ARHGEF33: variants seen among roughly 807,000 people sequenced by gnomAD.
The protein encoded by ARHGEF33 is DH and coiled-coil domain-containing protein ENSP00000381780.
Under a neutral mutation model 101.9 loss-of-function variants are expected in ARHGEF33, and 72 were observed. That is an observed-to-expected ratio of 0.71 (90% CI 0.58 to 0.86). The LOEUF is 0.86. Among genes scored for constraint, ARHGEF33 ranks in the 40% least tolerant of loss-of-function variants. ARHGEF33 has a pLI of 0.00. For missense variants in ARHGEF33, 1,169 were observed against 1,111.3 expected (o/e 1.05, Z -0.74); for synonymous variants, 499 against 442.5 (o/e 1.13, Z -1.60).
intron 2 of ARHGEF33, among the ~76,000 whole-genome samples, chr2:38,910,993 G>C (rs1213741813): frequency 6.6e-6 from 1 of 152,100 alleles, no homozygotes; most frequent in Non-Finnish European, 1.5e-5. Flanking sequence ...TGGCTTCCTT[G>C]GGTATAAAAT....
intron 4 of ARHGEF33, 91 bp from the exon 5 acceptor site, chr2:38,928,816 T>A (rs1356480244): frequency 1.6e-6 from 2 of 1,239,530 alleles, no homozygotes; most frequent in African/African-American, 3.1e-5. Context: ...TCAGGAGGCT[T>A]GTTTCTCAAA....
intron 14 of ARHGEF33, 161 bp from the exon 15 acceptor site, chr2:38,957,873 C>A: frequency 1.2e-6 from 1 of 804,962 alleles, no homozygotes; most frequent in South Asian, 1.8e-5. Flanking sequence ...CAGCTTGCAC[C>A]CTATTAAGCA....
intron 9 of ARHGEF33, among the ~76,000 whole-genome samples, chr2:38,941,597 G>A (rs1037580296): frequency 6.6e-6 from 1 of 151,222 alleles, no homozygotes; most frequent in African/African-American, 2.4e-5. Flanking sequence ...ACCCAGGCTG[G>A]AGTGCAGTGG....
intron 2 of ARHGEF33, among the ~76,000 whole-genome samples, chr2:38,916,393 T>C (rs1171068852): frequency 6.6e-6 from 1 of 152,228 alleles, no homozygotes; most frequent in Non-Finnish European, 1.5e-5. Flanking sequence ...ATAGAATAAT[T>C]TTCTCAGAGT....
chr2:38,956,001 T>A (rs189270470), intron 13 of ARHGEF33, among the ~76,000 whole-genome samples: 1 of 152,288 alleles, frequency 6.6e-6, no homozygotes, highest in Non-Finnish European at 1.5e-5. Context: ...TAGCTTTAGA[T>A]CCTAAAAGCA....
At chr2:38,916,603 G>A (rs1477397542) in intron 2 of ARHGEF33, among the ~76,000 whole-genome samples, 1 of 152,170 alleles carries the variant, frequency 6.6e-6, no homozygotes, top group South Asian at 2.1e-4. Context: ...ATGTGAAAGA[G>A]TTTAAACAGC....
chr2:38,965,051 A>G (rs1212968206), intron 16 of ARHGEF33, among the ~76,000 whole-genome samples: 1 of 149,168 alleles, frequency 6.7e-6, no homozygotes, highest in African/African-American at 2.4e-5. Flanking sequence ...TGTTTCCCGA[A>G]AAAAAAAAAA....
chr2:38,938,656 C>G (rs1453612645), intron 9 of ARHGEF33, among the ~76,000 whole-genome samples: 1 of 152,088 alleles, frequency 6.6e-6, no homozygotes, highest in African/African-American at 2.4e-5. Flanking sequence ...ATGTGTCTAT[C>G]CCCTGTGATC....
rs2124393065 is a variant in ARHGEF33, at chr2:38,937,313, GCCCCTCCCCCCACCCCACCA to G, written c.566-21_566-2del. Reference sequence around the variant, plus strand: ...TGATAGCAGTTTTCTTTGTTTCCCCGCCCCTCCCCCCACCCCACCAGGAGTGAACCCAACAACTCCAGAAG... The same window carrying G: ...TGATAGCAGTTTTCTTTGTTTCCCCGGGAGTGAACCCAACAACTCCAGAAG... On this transcript the variant is annotated splice_acceptor_variant and splice_polypyrimidine_tract_variant and intron_variant, in intron 8 of 17. Transcript: ENST00000409978. LOFTEE classifies it high-confidence loss of function. 2.6e-5 allele frequency: 15 copies of G among 568,594 alleles called. No homozygotes were observed. Among genetic ancestry groups the G allele is most frequent in the Middle Eastern group, 4.5e-4 (1 of 2,238 alleles). The allele number at this position is 568,594 out of a possible 1,614,324, so 35.2% of individuals were successfully genotyped here. A position where few individuals can be genotyped will look rare whatever the true frequency, so the allele number is the denominator to read the frequency against.
chr2:38,941,309 A>G (rs1667301345), intron 9 of ARHGEF33, among the ~76,000 whole-genome samples: 1 of 152,218 alleles, frequency 6.6e-6, no homozygotes, highest in South Asian at 2.1e-4. Context: ...ATGCTCAGGA[A>G]TGTACAAGGG....
intron 4 of ARHGEF33, 97 bp from the exon 5 acceptor site, chr2:38,928,810 G>A (rs1666930129): frequency 8.7e-7 from 1 of 1,155,736 alleles, no homozygotes; most frequent in Non-Finnish European, 1.2e-6. Flanking sequence ...AGATTTTCAG[G>A]AGGCTTGTTT....
At chr2:38,956,842 A>G in intron 13 of ARHGEF33, 57 bp from the exon 14 acceptor site, 4 of 1,540,738 alleles carry the variant, frequency 2.6e-6, no homozygotes, top group Admixed American at 4.0e-5. Flanking sequence ...TGCAGAAGAG[A>G]AAAAACAAAT....
At chr2:38,946,407 T>C (rs560379812) in intron 10 of ARHGEF33, among the ~76,000 whole-genome samples, 1 of 150,668 alleles carries the variant, frequency 6.6e-6, no homozygotes, top group South Asian at 2.1e-4. Flanking sequence ...ATGCTATTCA[T>C]GTTAGTTATT....
intron 17 of ARHGEF33, among the ~76,000 whole-genome samples, chr2:38,967,476 A>AGCGC (rs1572784089): frequency 6.6e-6 from 1 of 152,246 alleles, no homozygotes; most frequent in East Asian, 1.9e-4. Context: ...TTCTAGGATC[A>AGCGC]TATAGACTTA....
chr2:38,941,953 A>C (rs1033682811), intron 9 of ARHGEF33, among the ~76,000 whole-genome samples: 6 of 149,572 alleles, frequency 4.0e-5, no homozygotes, highest in African/African-American at 1.5e-4. Flanking sequence ...AGTCTTTTTT[A>C]TTAATTTTGC....
rs1280283331 is a variant in ARHGEF33 at position 38,959,959 on chromosome 2, C to T, written c.1654C>T (p.Leu552Phe). The change falls in exon 16 of 18, where the codon CTT (leucine) becomes TTT (phenylalanine). Residue 552 changes from leucine (L) to phenylalanine (F), a missense_variant. Transcript: ENST00000409978. ...EGRKHERPES[L>F]LAPTQFCAAE... ...CAGGAAGCACGAGCGGCCCGAGAGC[C>T]TTCTGGCACCGACGCAGTTCTGCGC... 1 of 1,551,260 alleles carries T rather than the reference C, an allele frequency of 6.4e-7. No individual in the cohort carries two copies. The highest frequency in any genetic ancestry group is 2.0e-5 in the Admixed American group (1 of 50,996).
intron 9 of ARHGEF33, among the ~76,000 whole-genome samples, chr2:38,937,831 A>G (rs1203043391): frequency 6.6e-6 from 1 of 152,198 alleles, no homozygotes; most frequent in African/African-American, 2.4e-5. Context: ...AGGTTGGTGG[A>G]GAAGGCAGAA....
Position 38,937,322 on chromosome 2 carries a change from C to A in ARHGEF33, c.566-13C>A. 1.5e-5 allele frequency: 6 copies of A among 398,728 alleles called. No homozygotes were observed. Among genetic ancestry groups the A allele is most frequent in the East Asian group, 9.5e-5 (1 of 10,494 alleles). The allele number at this position is 398,728 out of a possible 1,614,324, so 24.7% of individuals were successfully genotyped here. Reference sequence around the variant, plus strand: ...TTTTCTTTGTTTCCCCGCCCCTCCCCCCACCCCACCAGGAGTGAACCCAAC... The same window carrying A: ...TTTTCTTTGTTTCCCCGCCCCTCCCACCACCCCACCAGGAGTGAACCCAAC... On this transcript the variant is annotated splice_polypyrimidine_tract_variant and intron_variant, in intron 8 of 17. Transcript: ENST00000409978.
At chr2:38,903,053 A>T (rs1436891352) in intron 2 of ARHGEF33, among the ~76,000 whole-genome samples, 1 of 152,170 alleles carries the variant, frequency 6.6e-6, no homozygotes, top group Non-Finnish European at 1.5e-5. Flanking sequence ...CTTGGTGGAG[A>T]TAAATCATAG....
Sources: allele counts gnomAD v4.1 joint callset (sites outside exome capture counted in the v4.1 genomes callset), GRCh38; gene constraint gnomAD v4.1.1; transcripts MANE v1.5; gene names NCBI Gene and HGNC (gene_info 2026-07-23, HGNC 2026-07-21).